The following NPIPB11 variants were observed in gnomAD, a reference collection of about 807,000 sequenced individuals.
The protein encoded by NPIPB11 is nuclear pore complex-interacting protein family member B11.
Under a neutral mutation model 32.8 loss-of-function variants are expected in NPIPB11, and 17 were observed. The ratio of observed to expected loss-of-function variants is 0.52; its 90% CI spans 0.35 to 0.78. The LOEUF is 0.78. Among genes scored for constraint, NPIPB11 ranks in the 30% least tolerant of loss-of-function variants. NPIPB11 has a pLI of 0.01. For missense variants in NPIPB11, 537 were observed against 1,000.4 expected, an observed-to-expected ratio of 0.54 and a Z score of 6.25; for synonymous variants, 209 against 398.4, an observed-to-expected ratio of 0.52 and a Z score of 5.66.
chr16:29,390,411 C>T (rs933093624), intron 3 of NPIPB11, 63 bp from the exon 4 acceptor site: 28 of 1,595,024 alleles, frequency 1.8e-5, no homozygotes, highest in Non-Finnish European at 2.3e-5. Flanking sequence ...AATCCCAGTA[C>T]TTCGGGAAGC....
At chr16:29,393,210 T>C (rs1304090789) in intron 3 of NPIPB11, among the ~76,000 whole-genome samples, 4 of 151,506 alleles carry the variant, frequency 2.6e-5, no homozygotes, top group East Asian at 1.9e-4. Context: ...ACACTTTTCA[T>C]TGATTCTCTT....
At chr16:29,393,980 C>T (rs1963784605) in exon 3 of NPIPB11, 1 of 1,599,270 alleles carries the variant, frequency 6.3e-7, no homozygotes. Flanking sequence ...GTAATGACAA[C>T]TTTATAACTT....
chr16:29,391,070 C>T (rs1294305781), intron 3 of NPIPB11, among the ~76,000 whole-genome samples: 1 of 150,572 alleles, frequency 6.6e-6, no homozygotes, highest in Non-Finnish European at 1.5e-5. Context: ...AGATGGAGAC[C>T]ATCCTGGGCA....
chr16:29,402,714 CTCTCTCTCTCTG>C (rs1465826953), intron 2 of NPIPB11, among the ~76,000 whole-genome samples: 4 of 126,818 alleles, frequency 3.2e-5, no homozygotes, highest in Non-Finnish European at 4.8e-5. Flanking sequence ...CTCTCTCTCT[CTCTCTCTCTCTG>C]TGTGTGTGTG....
chr16:29,393,584 A>G (rs1371181275), intron 3 of NPIPB11, among the ~76,000 whole-genome samples: 2 of 151,070 alleles, frequency 1.3e-5, no homozygotes, highest in East Asian at 1.9e-4. Flanking sequence ...GAATCTTCAG[A>G]GAGGAGATTG....
At chr16:29,390,094 G>T in exon 5 of NPIPB11, 1 of 1,418,878 alleles carries the variant, frequency 7.0e-7, no homozygotes. Context: ...TCCTCGAAAG[G>T]AAGAAACTCT....
At chr16:29,390,415 G>C in intron 3 of NPIPB11, 67 bp from the exon 4 acceptor site, 2 of 1,594,836 alleles carry the variant, frequency 1.3e-6, no homozygotes, top group Non-Finnish European at 1.7e-6. Context: ...CCAGTACTTC[G>C]GGAAGCTGAG....
chr16:29,394,817 C>T (rs1230713342), intron 2 of NPIPB11, among the ~76,000 whole-genome samples: 1 of 151,632 alleles, frequency 6.6e-6, no homozygotes, highest in African/African-American at 2.4e-5. Flanking sequence ...GTGCTCTCGG[C>T]TCACTGCAAC....
chr16:29,389,929 G>C lies in NPIPB11; in HGVS notation c.545+12C>G. The C allele has an allele frequency of 1.9e-6, 3 of 1,589,288 alleles. 1 individual carries two copies. The highest frequency in any genetic ancestry group is 8.5e-7 in the Non-Finnish European group (1 of 1,173,810). On this transcript the variant is annotated intron_variant, in intron 5 of 7. Transcript: ENST00000524087. ...GTTCCTACAACAGTATTTGTGTCAA[G>C]GCACATCTTACTGTTTTCTGGCGGT...
chr16:29,401,659 TGTA>T (rs1963994300), intron 2 of NPIPB11, among the ~76,000 whole-genome samples: 1 of 152,088 alleles, frequency 6.6e-6, no homozygotes, highest in Non-Finnish European at 1.5e-5. Flanking sequence ...TGAAAGTGGA[TGTA>T]CCCATGGGAT....
At chr16:29,402,535 C>G (rs1412516406) in intron 2 of NPIPB11, among the ~76,000 whole-genome samples, 1 of 68,920 alleles carries the variant, frequency 1.5e-5, no homozygotes, top group African/African-American at 1.1e-4. Flanking sequence ...AACCCCATCT[C>G]TACTAAGAAT....
At chr16:29,394,599 T>TTTTGTATTTTTATTTTG (rs1307489666) in intron 2 of NPIPB11, among the ~76,000 whole-genome samples, 2 of 150,006 alleles carry the variant, frequency 1.3e-5, no homozygotes, top group Admixed American at 1.3e-4. Flanking sequence ...CATGCCCGAC[T>TTTTGTATTTTTATTTTG]CATTTTTGTA....
exon 8 of NPIPB11, chr16:29,382,406 G>A: frequency 7.8e-6 from 2 of 255,710 alleles, no homozygotes; most frequent in South Asian, 3.1e-5. Context: ...GAGGGTGGAA[G>A]CGGCCCCCGC....
chr16:29,396,820 TG>T lies in NPIPB11; in HGVS notation c.121-2745del, dbSNP rs1963865025. 8.8e-5 allele frequency among the ~76,000 whole-genome samples: 13 copies of T among 147,072 alleles called. No individual in the cohort carries two copies. In the South Asian group the frequency reaches 2.9e-3, roughly 33 times the overall value. ...TTGAAAGGGGGTCGGTTTATGCTGG[TG>T]TATGTACTTTCCAAAGTTAGTAAAC... On this transcript the variant is annotated intron_variant, in intron 2 of 7. Coordinates refer to ENST00000524087, the Ensembl canonical transcript of NPIPB11.
upstream of NPIPB11, among the ~76,000 whole-genome samples, chr16:29,406,295 T>C (rs1964111872): frequency 6.6e-6 from 1 of 152,300 alleles, no homozygotes; most frequent in Non-Finnish European, 1.5e-5. Context: ...TTAGATCTCA[T>C]CTCAGTTATA....
At chr16:29,397,879 G>A (rs1333156427) in intron 2 of NPIPB11, among the ~76,000 whole-genome samples, 2 of 71,664 alleles carry the variant, frequency 2.8e-5, no homozygotes, top group East Asian at 3.9e-4. Context: ...GAAAGGATCC[G>A]GTTCAAATTA....
intron 2 of NPIPB11, among the ~76,000 whole-genome samples, chr16:29,401,751 A>G (rs1265855366): frequency 6.6e-6 from 1 of 151,766 alleles, no homozygotes; most frequent in African/African-American, 2.4e-5. Context: ...GAGACTGGCC[A>G]CCCTCTCCTT....
At chr16:29,401,918 G>T (rs1189611071) in intron 2 of NPIPB11, among the ~76,000 whole-genome samples, 7 of 150,648 alleles carry the variant, frequency 4.6e-5, no homozygotes, top group Admixed American at 4.6e-4. Flanking sequence ...CCACCGTTTG[G>T]GGCTGTTTCT....
intron 2 of NPIPB11, among the ~76,000 whole-genome samples, chr16:29,395,887 A>G (rs954496562): frequency 1.3e-5 from 2 of 151,470 alleles, no homozygotes; most frequent in African/African-American, 4.9e-5. Context: ...CTGAGGCAGA[A>G]GAATCACTTG....
Sources: allele counts gnomAD v4.1 joint callset (sites outside exome capture counted in the v4.1 genomes callset), GRCh38; gene constraint gnomAD v4.1.1; transcripts MANE v1.5; gene names NCBI Gene and HGNC (gene_info 2026-07-23, HGNC 2026-07-21).